The following SVIL variants were observed in gnomAD, a reference collection of about 807,000 sequenced individuals.
The protein encoded by SVIL is archvillin.
SVIL carries 101 observed loss-of-function variants against 240.4 expected under a neutral mutation model. The observed-to-expected ratio is 0.42, with a 90% CI of 0.36 to 0.50. The LOEUF (loss-of-function observed/expected upper bound fraction) is 0.50, where lower values mean the gene tolerates loss of function less well. SVIL is among the 20% of genes least tolerant of loss of function. SVIL has a pLI of 0.01. For synonymous variants in SVIL, 999 were observed against 1,100.0 expected, an observed-to-expected ratio of 0.91 and a Z score of 1.82; for missense variants, 2,512 against 2,818.7, an observed-to-expected ratio of 0.89 and a Z score of 2.46.
intron 6 of SVIL, among the ~76,000 whole-genome samples, chr10:29,538,175 G>A (rs776282888): frequency 6.6e-6 from 1 of 152,192 alleles, no homozygotes; most frequent in Non-Finnish European, 1.5e-5. Context: ...AGAGGGCTTT[G>A]TAAAAGAAGT....
intron 2 of SVIL, among the ~76,000 whole-genome samples, chr10:29,683,032 T>C (rs1378003442): frequency 2.0e-5 from 3 of 152,210 alleles, no homozygotes; most frequent in Non-Finnish European, 1.5e-5. Context: ...GCTCAGGGGA[T>C]CCTGAGAACA....
intron 2 of SVIL, among the ~76,000 whole-genome samples, chr10:29,683,500 C>T (rs925840406): frequency 6.6e-6 from 1 of 152,164 alleles, no homozygotes; most frequent in African/African-American, 2.4e-5. Flanking sequence ...TTCGCCCTTC[C>T]CATCAGGGCC....
intron 1 of SVIL, among the ~76,000 whole-genome samples, chr10:29,619,541 C>T (rs1419004270): frequency 6.6e-6 from 1 of 152,232 alleles, no homozygotes; most frequent in Non-Finnish European, 1.5e-5. Context: ...AAGAGCCAAA[C>T]TCACAGCCCT....
At chr10:29,496,370 A>T in intron 18 of SVIL, 1 of 455,198 alleles carries the variant, frequency 2.2e-6, no homozygotes, top group Non-Finnish European at 4.4e-6. Flanking sequence ...CTGGTATCAC[A>T]GGGTGGGGAG....
At chr10:29,695,431 A>T (rs2132625076) in intron 1 of SVIL, among the ~76,000 whole-genome samples, 1 of 152,096 alleles carries the variant, frequency 6.6e-6, no homozygotes, top group East Asian at 1.9e-4. Context: ...TGTATCCCTA[A>T]AGCTGTTGAA....
intron 1 of SVIL, among the ~76,000 whole-genome samples, chr10:29,589,402 A>C (rs1012225317): frequency 3.9e-5 from 6 of 152,090 alleles, no homozygotes; most frequent in Non-Finnish European, 7.4e-5. Context: ...CCCCCTGTAA[A>C]CCCCAGAAAC....
intron 1 of SVIL, among the ~76,000 whole-genome samples, chr10:29,617,558 G>A (rs1714622006): frequency 6.7e-6 from 1 of 148,286 alleles, no homozygotes; most frequent in South Asian, 2.1e-4. Flanking sequence ...TCCAGCCTGG[G>A]CGAAAAAGGA....
At position 29,531,901 on chromosome 10, in the gene SVIL, G is replaced by A. The variant is rs111231756; in HGVS notation, c.2009+101C>T. On this transcript the variant is annotated intron_variant, in intron 9 of 37. Transcript: ENST00000355867. Reference sequence around the variant, plus strand: ...GGTTAGATGGAACAATTATGGAATCGCCAACATCCTATATAAATAGCGTCA... The same window carrying A: ...GGTTAGATGGAACAATTATGGAATCACCAACATCCTATATAAATAGCGTCA... 366 of 1,322,716 alleles carry A rather than the reference G, an allele frequency of 2.8e-4. No individual in the cohort carries two copies. The African/African-American group carries it at 3.3e-3, about 12-fold the overall frequency. The allele number at this position is 1,322,716 out of a possible 1,614,324, so 81.9% of individuals were successfully genotyped here.
At chr10:29,564,290 A>C (rs1954775132) in intron 2 of SVIL, among the ~76,000 whole-genome samples, 2 of 152,324 alleles carry the variant, frequency 1.3e-5, no homozygotes, top group East Asian at 3.9e-4. Context: ...ATTTGACAAG[A>C]AGAGGAGATG....
At chr10:29,509,212 G>A (rs1949599849) in intron 17 of SVIL, among the ~76,000 whole-genome samples, 1 of 151,724 alleles carries the variant, frequency 6.6e-6, no homozygotes, top group South Asian at 2.1e-4. Context: ...ACTCACACAT[G>A]TTTAAGTCAG....
intron 1 of SVIL, among the ~76,000 whole-genome samples, chr10:29,699,282 C>T (rs1438081990): frequency 2.0e-5 from 3 of 152,120 alleles, no homozygotes; most frequent in East Asian, 1.9e-4. Context: ...GCATGCATCA[C>T]CATGACCACC....
intron 1 of SVIL, among the ~76,000 whole-genome samples, chr10:29,571,694 T>C (rs1159017724): frequency 6.6e-6 from 1 of 152,226 alleles, no homozygotes; most frequent in Non-Finnish European, 1.5e-5. Flanking sequence ...TTAACCACAA[T>C]ATGTAGTTGA....
intron 1 of SVIL, among the ~76,000 whole-genome samples, chr10:29,715,960 T>C (rs1378593635): frequency 2.0e-5 from 3 of 152,256 alleles, no homozygotes; most frequent in Non-Finnish European, 4.4e-5. Flanking sequence ...ATGATTTTAT[T>C]TAAATGTAAA....
intron 1 of SVIL, among the ~76,000 whole-genome samples, chr10:29,612,424 T>C (rs184419088): frequency 1.1e-3 from 165 of 152,192 alleles, no homozygotes; most frequent in Admixed American, 2.6e-3. Flanking sequence ...AGGGATGGAG[T>C]TGGAAGTGAG....
chr10:29,569,159 A>G (rs938943743), intron 2 of SVIL, 96 bp downstream of exon 2: 32 of 504,554 alleles, frequency 6.3e-5, no homozygotes, highest in Non-Finnish European at 7.7e-5. Context: ...ATATTGCCAA[A>G]CATTTAAACT....
At position 29,685,562 on chromosome 10, in the gene SVIL, C is replaced by T. The variant is rs191713260; in HGVS notation, c.-301+991G>A. Among the ~76,000 whole-genome samples, 6 of 152,334 alleles carry T rather than the reference C, an allele frequency of 3.9e-5. No homozygotes were observed. In the East Asian group the frequency reaches 1.2e-3, roughly 29 times the overall value. On this transcript the variant is annotated intron_variant, in intron 2 of 35. Transcript: ENST00000375400. ...CAATGTATAAGCATTTCCTTTTCTC[C>T]ACAACCTCGCCGGCATCTGTTATTT...
chr10:29,608,415 G>T (rs921265439), intron 1 of SVIL, among the ~76,000 whole-genome samples: 7 of 152,246 alleles, frequency 4.6e-5, no homozygotes, highest in African/African-American at 1.7e-4. Flanking sequence ...GCAGGGGCCA[G>T]GAATAGGTGA....
intron 1 of SVIL, among the ~76,000 whole-genome samples, chr10:29,722,741 G>C (rs201404479): frequency 6.6e-6 from 1 of 152,108 alleles, no homozygotes; most frequent in East Asian, 1.9e-4. Context: ...ACCCTAATTG[G>C]ACAGTTTTGT....
intron 1 of SVIL, among the ~76,000 whole-genome samples, chr10:29,721,834 A>G (rs1287385389): frequency 1.3e-5 from 2 of 152,212 alleles, no homozygotes; most frequent in African/African-American, 2.4e-5. Context: ...ACTTGTGGCA[A>G]AGTTTTATTT....
Sources: allele counts gnomAD v4.1 joint callset (sites outside exome capture counted in the v4.1 genomes callset), GRCh38; gene constraint gnomAD v4.1.1; transcripts MANE v1.5; gene names NCBI Gene and HGNC (gene_info 2026-07-23, HGNC 2026-07-21).